FYTTD1: variants seen among roughly 807,000 people sequenced by gnomAD.
FYTTD1 encodes the protein forty-two-three domain containing 1, also known as UAP56-interacting factor.
Under a neutral mutation model 40.9 loss-of-function variants are expected in FYTTD1, and 22 were observed. The ratio of observed to expected loss-of-function variants is 0.54; its 90% CI spans 0.38 to 0.77. FYTTD1 has a LOEUF of 0.77. Among genes scored for constraint, FYTTD1 ranks in the 30% least tolerant of loss-of-function variants. The pLI is 0.00. For synonymous variants in FYTTD1, 140 were observed against 137.9 expected (o/e 1.01, Z -0.10); for missense variants, 351 against 392.2 (o/e 0.90, Z 0.89).
At chr3:197,763,576 G>A (rs1224215454) in intron 2 of FYTTD1, 5 of 442,444 alleles carry the variant, frequency 1.1e-5, no homozygotes, top group Non-Finnish European at 4.5e-6. Context: ...AAGGACTTCA[G>A]GACCAGCGTG....
At chr3:197,758,698 T>C (rs1356429796) in intron 2 of FYTTD1, among the ~76,000 whole-genome samples, 1 of 152,218 alleles carries the variant, frequency 6.6e-6, no homozygotes, top group African/African-American at 2.4e-5. Context: ...GTATGTTTAT[T>C]GCTTACATGT....
rs1408912924 is a variant in FYTTD1, at chr3:197,783,339, T to C, written c.*1430T>C. 2 of 152,642 alleles carry C rather than the reference T, an allele frequency of 1.3e-5. No homozygotes were observed. The highest frequency in any genetic ancestry group is 2.9e-5 in the Non-Finnish European group (2 of 68,044). The allele number at this position is 152,642 out of a possible 1,614,324, so 9.5% of individuals were successfully genotyped here. A position where few individuals can be genotyped will look rare whatever the true frequency, so the allele number is the denominator to read the frequency against. Reference sequence around the variant, plus strand: ...AGGAGTAGATTGTTAGTGTTGACTTTTCCTGTAAAGCAGACATCGTTCTTG... The same window carrying C: ...AGGAGTAGATTGTTAGTGTTGACTTCTCCTGTAAAGCAGACATCGTTCTTG... On this transcript the variant is annotated 3_prime_UTR_variant, in exon 9 of 9. Transcript: ENST00000241502.
Position 197,770,198 on chromosome 3 carries a change from A to G in FYTTD1, c.451A>G (p.Arg151Gly). 1.2e-6 allele frequency: 2 copies of G among 1,613,096 alleles called. No homozygotes were observed. The highest frequency in any genetic ancestry group is 2.2e-5 in the East Asian group (1 of 44,866). Reference sequence around the variant, plus strand: ...CCTTCTGAGACAAAATGAAGGGCAGAGGAAACCAGTAGCAGTTCTCAAGAG... The same window carrying G: ...CCTTCTGAGACAAAATGAAGGGCAGGGGAAACCAGTAGCAGTTCTCAAGAG... ...ANLLRQNEGQ[R>G]KPVAVLKRPS... is the part of the protein sequence containing the mutation. The change falls in exon 4 of 9, where the codon AGG becomes GGG. Residue 151 changes from arginine (R) to glycine (G), a missense_variant. Arg to Gly is a moderately radical substitution (Grantham distance 125). Transcript: ENST00000241502.
chr3:197,760,310 T>C (rs1019493166), intron 2 of FYTTD1, among the ~76,000 whole-genome samples: 2 of 152,008 alleles, frequency 1.3e-5, no homozygotes. Context: ...ATGTATGGAG[T>C]GTTCTTCAGT....
chr3:197,781,913 C>G lies in FYTTD1; in HGVS notation c.*4C>G. On this transcript the variant is annotated 3_prime_UTR_variant, in exon 9 of 9. Transcript: ENST00000241502. ...CCGCTTTGTCACCGTGGGATAGGTC[C>G]CATGTCAAAGGAACTTTTGAGTGAT... is the stretch of plus-strand genomic sequence containing the variant. 2 of 1,562,622 alleles carry G rather than the reference C, an allele frequency of 1.3e-6. No individual in the cohort carries two copies. The highest frequency in any genetic ancestry group is 2.4e-5 in the South Asian group (2 of 81,762).
rs189810031 is a variant in FYTTD1 at position 197,784,071 on chromosome 3, G to C, written c.*2162G>C. On this transcript the variant is annotated 3_prime_UTR_variant, in exon 9 of 9. Coordinates refer to ENST00000241502, the MANE Select transcript of FYTTD1 (RefSeq NM_032288.7). ...TTATTGGAATGTGGTTGTAATCCTT[G>C]TTCAGTTCTTAAGTTTCGGTTTTTT... The C allele has an allele frequency of 6.6e-6, 1 of 152,384 alleles. No homozygotes were observed. Among genetic ancestry groups the C allele is most frequent in the African/African-American group, 2.4e-5 (1 of 41,368 alleles). 9.4% of individuals were successfully genotyped at this position (152,384 alleles called of 1,614,324 possible).
intron 6 of FYTTD1, among the ~76,000 whole-genome samples, chr3:197,775,135 A>G (rs1729841073): frequency 6.6e-6 from 1 of 152,174 alleles, no homozygotes; most frequent in African/African-American, 2.4e-5. Context: ...TATTTAGGGA[A>G]TGAATAGAAT....
intron 2 of FYTTD1, among the ~76,000 whole-genome samples, chr3:197,762,053 G>A (rs1729404300): frequency 6.6e-6 from 1 of 152,148 alleles, no homozygotes; most frequent in South Asian, 2.1e-4. Context: ...GGTCACTTTT[G>A]TAAGGACACT....
rs113418567 is a variant in FYTTD1 at position 197,764,431 on chromosome 3, G to A, written c.236-4008G>A. ...CTGATTAGAAAGCAGAGGAGGAGGC[G>A]GGGCCAAGTGGCTCACGCCAGTAAT... On this transcript the variant is annotated intron_variant, in intron 2 of 8. Coordinates refer to ENST00000241502, the MANE Select transcript of FYTTD1 (RefSeq NM_032288.7). Among the ~76,000 whole-genome samples the A allele has an allele frequency of 3.3e-3, 503 of 152,188 alleles. 1 individual carries two copies. Among genetic ancestry groups the A allele is most frequent in the Admixed American group, 4.1e-3 (62 of 15,294 alleles).
rs188966866 is a variant in FYTTD1, at chr3:197,782,911, T to C, written c.*1002T>C. The C allele has an allele frequency of 3.3e-4, 50 of 152,768 alleles. No individual in the cohort carries two copies. The highest frequency in any genetic ancestry group is 1.2e-3 in the African/African-American group (48 of 41,570). The allele number at this position is 152,768 out of a possible 1,614,324, so 9.5% of individuals were successfully genotyped here. A position where few individuals can be genotyped will look rare whatever the true frequency, so the allele number is the denominator to read the frequency against. ...ATTTCTTATTTGAAAAGTTGAAATT[T>C]ATGAGCTTTGAAGATTGCTAAATTA... is the stretch of plus-strand genomic sequence containing the variant. On this transcript the variant is annotated 3_prime_UTR_variant, in exon 9 of 9. Transcript: ENST00000241502.
chr3:197,760,592 GTTC>G (rs1347680275), intron 2 of FYTTD1, among the ~76,000 whole-genome samples: 2 of 151,884 alleles, frequency 1.3e-5, no homozygotes, highest in East Asian at 1.9e-4. Flanking sequence ...ATATAGGGTT[GTTC>G]TTCTGTGGTA....
At chr3:197,750,603 C>T (rs1728990399) in intron 1 of FYTTD1, 1 of 985,244 alleles carries the variant, frequency 1.0e-6, no homozygotes, top group Non-Finnish European at 1.2e-6. Context: ...CCGGCGCCGG[C>T]CATGGCTGCC....
At chr3:197,762,805 C>T (rs1729428014) in intron 2 of FYTTD1, among the ~76,000 whole-genome samples, 1 of 152,040 alleles carries the variant, frequency 6.6e-6, no homozygotes, top group African/African-American at 2.4e-5. Flanking sequence ...AGGTGTGAAC[C>T]TGGCAGGCGG....
chr3:197,766,424 GAGAC>G, intron 2 of FYTTD1, among the ~76,000 whole-genome samples: 2 of 29,712 alleles, frequency 6.7e-5, no homozygotes, highest in African/African-American at 1.6e-4. Context: ...TGTCGTGTTT[GAGAC>G]TGGTGTGTGT....
chr3:197,750,156 C>T, intron 1 of FYTTD1, 82 bp downstream of exon 1: 2 of 1,066,516 alleles, frequency 1.9e-6, no homozygotes, highest in Non-Finnish European at 2.6e-6. Context: ...GGGGCAGGGG[C>T]GGTCGGCAGC....
chr3:197,774,270 A>G, intron 6 of FYTTD1, 60 bp downstream of exon 6: 1 of 1,319,194 alleles, frequency 7.6e-7, no homozygotes, highest in Non-Finnish European at 1.1e-6. Context: ...CTAACTACCC[A>G]AATTATCATG....
intron 1 of FYTTD1, chr3:197,755,902 A>G: frequency 7.5e-7 from 1 of 1,324,806 alleles, no homozygotes; most frequent in Non-Finnish European, 1.1e-6. Flanking sequence ...TTCTGCGATT[A>G]TGGGAAGTAG....
chr3:197,772,571 C>A (rs575099027), intron 4 of FYTTD1, among the ~76,000 whole-genome samples: 1 of 152,108 alleles, frequency 6.6e-6, no homozygotes, highest in African/African-American at 2.4e-5. Context: ...GAGCATTGTT[C>A]TGTGCATGAA....
At chr3:197,771,810 C>A (rs1729728521) in intron 4 of FYTTD1, among the ~76,000 whole-genome samples, 1 of 140,328 alleles carries the variant, frequency 7.1e-6, no homozygotes, top group Admixed American at 7.4e-5. Flanking sequence ...CAAAAATTAG[C>A]CCGATGTGGT....
Sources: gnomAD v4.1 joint callset for allele counts (sites outside exome capture counted in the v4.1 genomes callset) on GRCh38, gnomAD v4.1.1 for gene constraint, MANE v1.5 for transcripts, NCBI Gene and HGNC (gene_info 2026-07-23, HGNC 2026-07-21) for gene names.